Variants in ARHGEF17 observed in about 807,000 individuals in gnomAD.
The protein encoded by ARHGEF17 is Rho guanine nucleotide exchange factor 17, also known as 164 kDa Rho-specific guanine-nucleotide exchange factor.
Under a neutral mutation model 174.0 loss-of-function variants are expected in ARHGEF17, and 80 were observed. The ratio of observed to expected loss-of-function variants is 0.46; its 90% confidence interval spans 0.38 to 0.55. The LOEUF is 0.55. Among genes scored for constraint, ARHGEF17 ranks in the 20% least tolerant of loss-of-function variants. ARHGEF17 has a pLI of 0.00. For missense variants in ARHGEF17, 2,886 were observed against 2,839.7 expected (o/e 1.02, Z -0.37); for synonymous variants, 1,311 against 1,189.1 (o/e 1.10, Z -2.11).
At position 73,311,545 on chromosome 11, in the gene ARHGEF17, T is replaced by C. The variant is rs1554996648; in HGVS notation, c.2907T>C (p.Ile969=). The C allele has an allele frequency of 6.2e-7, 1 of 1,613,590 alleles. No individual in the cohort carries two copies. The highest frequency in any genetic ancestry group is 1.7e-5 in the Admixed American group (1 of 60,034). ...GTGTGCCCGCCACATTTATGCCTAT[T>C]GTGGTGCCTGAGCCACCAACTTCTG... ...HASVPATFMP[I]VVPEPPTSVG... Residue 969 remains isoleucine (I), a synonymous_variant, in exon 1 of 21, where the codon ATT becomes ATC. Coordinates refer to ENST00000263674, the MANE Select transcript of ARHGEF17 (RefSeq NM_014786.4).
At position 73,308,577 on chromosome 11, in the gene ARHGEF17, G is replaced by A. The variant is rs567582251; in HGVS notation, c.-62G>A. ...GGCCGCTGCGCTCCTAGGGAGTGGGGGCGCAGGGGGGGTTGGCCGCGGCTG... is the reference window on the plus strand; with the variant it reads ...GGCCGCTGCGCTCCTAGGGAGTGGGAGCGCAGGGGGGGTTGGCCGCGGCTG... On this transcript the variant is annotated 5_prime_UTR_variant, in exon 1 of 21. Transcript: ENST00000263674. The A allele has an allele frequency of 2.2e-6, 3 of 1,338,160 alleles. No homozygotes were observed. The highest frequency in any genetic ancestry group is 3.3e-5 in the South Asian group (2 of 59,822). 82.9% of individuals were successfully genotyped at this position (1,338,160 alleles called of 1,614,324 possible). A position where few individuals can be genotyped will look rare whatever the true frequency, so the allele number is the denominator to read the frequency against.
intron 1 of ARHGEF17, among the ~76,000 whole-genome samples, chr11:73,333,714 G>A (rs1425686923): frequency 6.6e-6 from 1 of 152,176 alleles, no homozygotes; most frequent in Non-Finnish European, 1.5e-5. Context: ...TGGGAGTAGG[G>A]GAGGTAGGGG....
intron 2 of ARHGEF17, among the ~76,000 whole-genome samples, chr11:73,352,426 AT>A (rs1050957413): frequency 6.6e-6 from 1 of 152,102 alleles, no homozygotes; most frequent in African/African-American, 2.4e-5. Context: ...CAGGACAGGG[AT>A]TGTGGTCTTT....
At chr11:73,340,170 G>A (rs1052214932) in intron 1 of ARHGEF17, among the ~76,000 whole-genome samples, 4 of 152,138 alleles carry the variant, frequency 2.6e-5, no homozygotes, top group African/African-American at 7.2e-5. Context: ...ACCAACCCAT[G>A]TGCTCCTGTT....
Position 73,363,750 on chromosome 11 carries a change from C to T in ARHGEF17, c.5250C>T (p.Val1750=). 6.2e-7 allele frequency: 1 copy of T among 1,614,004 alleles called. No homozygotes were observed. Residue 1750 remains valine (V), a synonymous_variant, in exon 16 of 21, where the codon GTC becomes GTT. Coordinates refer to ENST00000263674, the MANE Select transcript of ARHGEF17 (RefSeq NM_014786.4). ...AGGTGCATACCCCGATCCACAGTGT[C>T]CACGTGTACCAGTCCTCCGACAGCA... The part of the protein sequence containing the change: ...SVWLGTEDGC[V]HVYQSSDSIR...
chr11:73,362,209 C>T lies in ARHGEF17; in HGVS notation c.4664C>T (p.Ala1555Val), dbSNP rs1032590899. Residue 1555 changes from alanine (A) to valine (V), a missense_variant, in exon 13 of 21, where the codon GCG (alanine) becomes GTG (valine). Ala to Val is a moderately conservative substitution (Grantham distance 64, BLOSUM62 0). Around this residue, in one of 4 missense-constraint regions of ARHGEF17, gnomAD observed 476 missense variants for 473.1 expected, o/e 1.01. Coordinates refer to ENST00000263674, the MANE Select transcript of ARHGEF17 (RefSeq NM_014786.4). Reference protein sequence around the residue: ...VCSARILCIGAVPGLQPRCHR... With the variant: ...VCSARILCIGVVPGLQPRCHR... ...TCCGCCCGCATCCTCTGCATCGGGG[C>T]GGTGCCCGGGCTGCAGCCTCGCTGC... is the stretch of plus-strand genomic sequence containing the variant. 3.9e-6 allele frequency: 6 copies of T among 1,554,006 alleles called. No individual in the cohort carries two copies. Among genetic ancestry groups the T allele is most frequent in the Non-Finnish European group, 5.2e-6 (6 of 1,154,520 alleles).
At chr11:73,363,487 G>A (rs1193420300) in intron 15 of ARHGEF17, 32 bp downstream of exon 15, 17 of 1,590,782 alleles carry the variant, frequency 1.1e-5, no homozygotes, top group Admixed American at 8.6e-5. Context: ...GGGACACAGT[G>A]CCAGAACTCT....
chr11:73,360,547 C>T lies in ARHGEF17; in HGVS notation c.4420+14C>T, dbSNP rs373360333. ...AGAGGAAGCTGGGTAAGCCAAGGCA[C>T]ATGTTGGCCCTCTCCTCCTAGAGCT... On this transcript the variant is annotated intron_variant, in intron 11 of 20. Transcript: ENST00000263674. The T allele has an allele frequency of 6.2e-7, 1 of 1,613,304 alleles. No individual in the cohort carries two copies. The highest frequency in any genetic ancestry group is 1.3e-5 in the African/African-American group (1 of 75,060).
Position 73,364,258 on chromosome 11 carries a change from C to T in ARHGEF17, c.5401+19C>T. 1 of 1,613,800 alleles carries T rather than the reference C, an allele frequency of 6.2e-7. No homozygotes were observed. The highest frequency in any genetic ancestry group is 8.5e-7 in the Non-Finnish European group (1 of 1,179,712). On this transcript the variant is annotated intron_variant, in intron 17 of 20. Transcript: ENST00000263674. The stretch of plus-strand genomic sequence containing the variant: ...GAAGCAGGTGAGTATCTGCCCTCCC[C>T]CACACCCTGCCCCTGTCCCCTTACT...
chr11:73,360,265 G>C, intron 10 of ARHGEF17, 55 bp from the exon 11 acceptor site: 1 of 1,592,400 alleles, frequency 6.3e-7, no homozygotes, highest in Non-Finnish European at 8.6e-7. Flanking sequence ...ATTAAGGGCA[G>C]GTGCAGGCTC....
In ARHGEF17 at chr11:73,363,261, G is replaced by T. The variant is rs759548553; in HGVS notation, c.5052G>T (p.Glu1684Asp). The change falls in exon 15 of 21, where the codon GAG (glutamate) becomes GAT (aspartate). Residue 1684 changes from glutamate (E) to aspartate (D), a missense_variant. Physicochemically the swap from Glu to Asp is conservative, Grantham distance 45. This residue lies in a region of ARHGEF17 where 476 missense variants were observed against 473.1 expected (regional missense o/e 1.01). Transcript: ENST00000263674. ...CGGCAGAGACCACCAGCTCAGAGGA[G>T]GAGCAGGAGCCAGGCTTCCTGCCAC... ...EATAETTSSEEEQEPGFLPLS... is the reference protein window; with the variant it reads ...EATAETTSSEDEQEPGFLPLS... 2.5e-6 allele frequency: 4 copies of T among 1,608,754 alleles called. No individual in the cohort carries two copies. The highest frequency in any genetic ancestry group is 3.4e-6 in the Non-Finnish European group (4 of 1,176,814).
intron 2 of ARHGEF17, among the ~76,000 whole-genome samples, chr11:73,347,855 GC>G (rs1865490550): frequency 6.6e-6 from 1 of 152,194 alleles, no homozygotes; most frequent in African/African-American, 2.4e-5. Context: ...GGAAGGGAGT[GC>G]TGGGGACAGA....
rs755534718 is a variant in ARHGEF17, at chr11:73,355,971, T to C, written c.3663+18T>C. ...TGGTGAAGGTGGGCATGGACCTGGG[T>C]GGGCAAGTGGGCAAGGCCTGGAAGC... is the stretch of plus-strand genomic sequence containing the variant. On this transcript the variant is annotated intron_variant, in intron 5 of 20. Coordinates refer to ENST00000263674, the MANE Select transcript of ARHGEF17 (RefSeq NM_014786.4). 3.1e-6 allele frequency: 5 copies of C among 1,613,540 alleles called. No homozygotes were observed. In the South Asian group the frequency reaches 5.5e-5, roughly 18 times the overall value.
At chr11:73,339,690 G>GT (rs1409465325) in intron 1 of ARHGEF17, among the ~76,000 whole-genome samples, 1 of 152,168 alleles carries the variant, frequency 6.6e-6, no homozygotes, top group Non-Finnish European at 1.5e-5. Flanking sequence ...AGTAGGGAGG[G>GT]TTAGGTGCTC....
chr11:73,362,195 C>A lies in ARHGEF17; in HGVS notation c.4650C>A (p.Ile1550=), dbSNP rs924315471. The A allele has an allele frequency of 1.3e-6, 2 of 1,572,992 alleles. No homozygotes were observed. The highest frequency in any genetic ancestry group is 1.7e-6 in the Non-Finnish European group (2 of 1,163,594). The part of the protein sequence containing the change: ...EACIAVCSAR[I]LCIGAVPGLQ... The stretch of plus-strand genomic sequence containing the variant: ...GCATCGCCGTCTGTTCCGCCCGCAT[C>A]CTCTGCATCGGGGCGGTGCCCGGGC... Residue 1550 remains isoleucine (I), a synonymous_variant, in exon 13 of 21, where the codon ATC becomes ATA. Transcript: ENST00000263674.
chr11:73,355,663 G>A lies in ARHGEF17; in HGVS notation c.3570+14G>A, dbSNP rs767707975. 6.2e-7 allele frequency: 1 copy of A among 1,610,238 alleles called. No homozygotes were observed. The highest frequency in any genetic ancestry group is 8.5e-7 in the Non-Finnish European group (1 of 1,176,498). On this transcript the variant is annotated intron_variant, in intron 4 of 20. Coordinates refer to ENST00000263674, the MANE Select transcript of ARHGEF17 (RefSeq NM_014786.4). ...AAGTTCCTAGAGGTACTGTGGGCTAGGGCAGGGGGATGGAGGTGACCCTCA... is the reference window on the plus strand; with the variant it reads ...AAGTTCCTAGAGGTACTGTGGGCTAAGGCAGGGGGATGGAGGTGACCCTCA...
At chr11:73,330,223 T>G (rs1219116996) in intron 1 of ARHGEF17, among the ~76,000 whole-genome samples, 1 of 152,238 alleles carries the variant, frequency 6.6e-6, no homozygotes, top group East Asian at 1.9e-4. Context: ...GTCACTTGAC[T>G]TTTGACTTTG....
In ARHGEF17 at chr11:73,308,837, G is replaced by T; in HGVS notation, c.199G>T (p.Ala67Ser). ...GTCCAAGCTGGCGTCTGGGCCCCTG[G>T]CCGCCCCCGCGCAGCCGCGCCCGCT... ...RVSKLASGPL[A>S]APAQPRPLRS... is the part of the protein sequence containing the mutation. Residue 67 changes from alanine to serine, a missense_variant, in exon 1 of 21, where the codon GCC (alanine) becomes TCC (serine). By Grantham distance (99) the Ala-to-Ser change is moderately conservative. Coordinates refer to ENST00000263674, the MANE Select transcript of ARHGEF17 (RefSeq NM_014786.4). 1.5e-6 allele frequency: 2 copies of T among 1,339,528 alleles called. No individual in the cohort carries two copies. Among genetic ancestry groups the T allele is most frequent in the Non-Finnish European group, 1.9e-6 (2 of 1,052,098 alleles). 83.0% of individuals were successfully genotyped at this position (1,339,528 alleles called of 1,614,324 possible).
chr11:73,318,443 C>T (rs1436735617), intron 1 of ARHGEF17, among the ~76,000 whole-genome samples: 11 of 151,932 alleles, frequency 7.2e-5, no homozygotes, highest in African/African-American at 2.7e-4. Flanking sequence ...TCGAGACCAG[C>T]CTGAGCAACA....
Sources: allele counts gnomAD v4.1 joint callset (sites outside exome capture counted in the v4.1 genomes callset), GRCh38; gene constraint gnomAD v4.1.1; regional missense constraint gnomAD v4.1.1; transcripts MANE v1.5; gene names NCBI Gene and HGNC (gene_info 2026-07-23, HGNC 2026-07-21).